Variants in ARMC8 observed in about 807,000 individuals in gnomAD.
ARMC8 encodes the protein armadillo repeat containing 8.
A neutral mutation model predicts 99.3 loss-of-function variants in ARMC8; 20 were observed. That is an observed-to-expected ratio of 0.20 (90% CI 0.14 to 0.29). The LOEUF is 0.29. Ranked by LOEUF, ARMC8 falls within the 10% of genes least tolerant of loss-of-function variation. The pLI, the probability that ARMC8 is intolerant of heterozygous loss-of-function variation, is 1.00. For missense variants in ARMC8, 569 were observed against 809.5 expected (o/e 0.70, Z 3.60); for synonymous variants, 263 against 278.3 (o/e 0.95, Z 0.55).
intron 18 of ARMC8, among the ~76,000 whole-genome samples, chr3:138,275,635 G>GAT (rs1181990951): frequency 2.0e-5 from 3 of 152,094 alleles, no homozygotes; most frequent in Non-Finnish European, 4.4e-5. Context: ...GTCATCAGTA[G>GAT]AGAGTTGGAC....
Position 138,274,233 on chromosome 3 carries a change from A to ATGTGTG in ARMC8, c.1630-194_1630-189dup, listed in dbSNP as rs142329302. Among the ~76,000 whole-genome samples, 913 of 142,338 alleles carry ATGTGTG rather than the reference A, an allele frequency of 6.4e-3. 7 individuals carry two copies. Among genetic ancestry groups the ATGTGTG allele is most frequent in the African/African-American group, 0.024 (850 of 35,650 alleles). The allele number at this position is 142,338 out of a possible 152,430, so 93.4% of individuals were successfully genotyped here. A position where few individuals can be genotyped will look rare whatever the true frequency, so the allele number is the denominator to read the frequency against. On this transcript the variant is annotated intron_variant, in intron 17 of 21. Coordinates refer to ENST00000469044, the MANE Select transcript of ARMC8 (RefSeq NM_001363941.2). ...GTATGTATGTGTAATGTGTATATAC[A>ATGTGTG]TGTGTGTGTGTGTGTGTGTGTGTGT...
chr3:138,232,164 TG>T (rs1462971951), intron 6 of ARMC8, among the ~76,000 whole-genome samples: 2 of 151,234 alleles, frequency 1.3e-5, no homozygotes, highest in African/African-American at 4.9e-5. Context: ...TAAGTAGAGA[TG>T]GGGTTTCACC....
At chr3:138,219,830 A>G (rs1284175830) in intron 2 of ARMC8, among the ~76,000 whole-genome samples, 1 of 152,150 alleles carries the variant, frequency 6.6e-6, no homozygotes, top group African/African-American at 2.4e-5. Context: ...TTTGTAAACT[A>G]TTAAGAGAAT....
chr3:138,190,279 A>G (rs1416903277), intron 1 of ARMC8, among the ~76,000 whole-genome samples: 1 of 106,748 alleles, frequency 9.4e-6, no homozygotes, highest in African/African-American at 3.8e-5. Flanking sequence ...TTATTTTCTT[A>G]TCTTTTTTTT....
At chr3:138,233,440 A>G (rs2046163822) in intron 6 of ARMC8, among the ~76,000 whole-genome samples, 1 of 152,254 alleles carries the variant, frequency 6.6e-6, no homozygotes, top group Non-Finnish European at 1.5e-5. Flanking sequence ...TGCTTATAGC[A>G]GTAAAACATT....
chr3:138,249,149 G>A (rs562523521), intron 12 of ARMC8, among the ~76,000 whole-genome samples: 2 of 152,298 alleles, frequency 1.3e-5, no homozygotes, highest in Non-Finnish European at 2.9e-5. Context: ...ACAAATGGAT[G>A]AATGAGCAAT....
chr3:138,211,848 G>A (rs540325448), intron 2 of ARMC8, among the ~76,000 whole-genome samples: 6 of 152,104 alleles, frequency 3.9e-5, no homozygotes, highest in African/African-American at 7.2e-5. Flanking sequence ...TGTCTGATAC[G>A]TTGTGGATCA....
At chr3:138,294,838 G>C (rs1283758857) in intron 21 of ARMC8, among the ~76,000 whole-genome samples, 1 of 152,018 alleles carries the variant, frequency 6.6e-6, no homozygotes, top group African/African-American at 2.4e-5. Flanking sequence ...GATCAGGATA[G>C]ATTAAGTCAC....
At chr3:138,228,653 A>G in intron 5 of ARMC8, 2 of 483,796 alleles carry the variant, frequency 4.1e-6, no homozygotes, top group South Asian at 1.6e-5. Flanking sequence ...TATCATGAGG[A>G]TGTAGGCAAT....
At chr3:138,262,089 G>A (rs2047799017) in intron 12 of ARMC8, 1 of 154,202 alleles carries the variant, frequency 6.5e-6, no homozygotes, top group African/African-American at 2.4e-5. Context: ...AACATCAGCA[G>A]TTGGTATCTG....
chr3:138,237,175 T>C (rs932088551), intron 7 of ARMC8, 134 bp from the exon 8 acceptor site: 13 of 719,608 alleles, frequency 1.8e-5, no homozygotes, highest in African/African-American at 1.3e-4. Flanking sequence ...ACAGGTGTTA[T>C]TGTTATTTCT....
At chr3:138,215,143 G>A (rs1321964980) in intron 2 of ARMC8, among the ~76,000 whole-genome samples, 1 of 152,112 alleles carries the variant, frequency 6.6e-6, no homozygotes, top group East Asian at 1.9e-4. Flanking sequence ...TAAGCTGTTT[G>A]TATACATATG....
Position 138,295,386 on chromosome 3 carries a change from C to G in ARMC8, c.1989-473C>G, listed in dbSNP as rs185928323. On this transcript the variant is annotated intron_variant, in intron 21 of 21. Coordinates refer to ENST00000469044, the MANE Select transcript of ARMC8 (RefSeq NM_001363941.2). ...GCCTCATCCCATGGGCTCTTGGCCC[C>G]TTCCATGCACCTTCTAATCACCTCA... is the stretch of plus-strand genomic sequence containing the variant. Among the ~76,000 whole-genome samples, 17 of 152,346 alleles carry G rather than the reference C, an allele frequency of 1.1e-4. No individual in the cohort carries two copies. In the East Asian group the frequency reaches 2.7e-3, roughly 24 times the overall value.
intron 18 of ARMC8, among the ~76,000 whole-genome samples, chr3:138,277,127 A>G (rs2049372253): frequency 6.6e-6 from 1 of 152,186 alleles, no homozygotes; most frequent in Non-Finnish European, 1.5e-5. Context: ...AGACCCACAC[A>G]TATATGGCCA....
chr3:138,288,945 G>C, intron 19 of ARMC8, 103 bp from the exon 20 acceptor site: 1 of 920,538 alleles, frequency 1.1e-6, no homozygotes, highest in Non-Finnish European at 1.7e-6. Context: ...CCCTGCTTCA[G>C]ACTTTTAGGT....
At chr3:138,243,304 T>C (rs1267194066) in intron 11 of ARMC8, among the ~76,000 whole-genome samples, 2 of 152,240 alleles carry the variant, frequency 1.3e-5, no homozygotes, top group African/African-American at 4.8e-5. Context: ...AATGACATCG[T>C]AATACCAAAC....
intron 21 of ARMC8, among the ~76,000 whole-genome samples, chr3:138,291,564 T>C (rs1208147267): frequency 2.0e-5 from 3 of 152,182 alleles, no homozygotes; most frequent in African/African-American, 4.8e-5. Context: ...GTATAGAAGA[T>C]AGATGATAAG....
chr3:138,235,837 G>A (rs1488342157), intron 7 of ARMC8, among the ~76,000 whole-genome samples: 1 of 119,942 alleles, frequency 8.3e-6, no homozygotes, highest in Non-Finnish European at 1.6e-5. Flanking sequence ...ACAGAGTCTC[G>A]CTTTGTTGCC....
chr3:138,267,333 G>T (rs2048369818), intron 15 of ARMC8, 92 bp downstream of exon 15: 1 of 750,474 alleles, frequency 1.3e-6, no homozygotes, highest in Non-Finnish European at 2.1e-6. Context: ...AAATCTGTGG[G>T]TTGGGTTTAA....
Sources: allele counts gnomAD v4.1 joint callset (sites outside exome capture counted in the v4.1 genomes callset), GRCh38; gene constraint gnomAD v4.1.1; transcripts MANE v1.5; gene names NCBI Gene and HGNC (gene_info 2026-07-23, HGNC 2026-07-21).